The following BEST1 variants were observed in gnomAD, a reference collection of about 807,000 sequenced individuals.
The protein encoded by BEST1 is bestrophin-1.
Under a neutral mutation model 63.3 loss-of-function variants are expected in BEST1, and 58 were observed. That is an observed-to-expected ratio of 0.92 (90% CI 0.74 to 1.14). The LOEUF (loss-of-function observed/expected upper bound fraction) is 1.14. Among genes scored for constraint, BEST1 ranks in the 50% most tolerant of loss-of-function variants. The pLI, the probability that BEST1 is intolerant of heterozygous loss-of-function variation, is 0.00. For synonymous variants in BEST1, 283 were observed against 291.6 expected, an observed-to-expected ratio of 0.97 and a Z score of 0.30; for missense variants, 671 against 740.1, an observed-to-expected ratio of 0.91 and a Z score of 1.08.
downstream of BEST1, chr11:61,965,282 A>G (rs947631065): frequency 3.1e-5 from 49 of 1,593,102 alleles, 1 homozygote; most frequent in Middle Eastern, 5.5e-4. Context: ...TCATCACTTT[A>G]TAAGGGCAAT....
rs1941519105 is a variant in BEST1, at chr11:61,957,543, G to A, written c.714+79G>A. Reference sequence around the variant, plus strand: ...CAAGGAAGCAGCTGGGGTGGGAAGGGCTCACCTAGAGGCTAAGTGGCTCCC... The same window carrying A: ...CAAGGAAGCAGCTGGGGTGGGAAGGACTCACCTAGAGGCTAAGTGGCTCCC... On this transcript the variant is annotated intron_variant, in intron 6 of 10. Coordinates refer to ENST00000378043, the MANE Select transcript of BEST1 (RefSeq NM_004183.4). 9 of 1,403,442 alleles carry A rather than the reference G, an allele frequency of 6.4e-6. No homozygotes were observed. In the Admixed American group the frequency reaches 1.2e-4, roughly 19 times the overall value. 86.9% of individuals were successfully genotyped at this position (1,403,442 alleles called of 1,614,324 possible).
downstream of BEST1, chr11:61,964,627 G>A (rs1942394476): frequency 1.1e-5 from 14 of 1,269,290 alleles, no homozygotes; most frequent in Non-Finnish European, 1.6e-5. Flanking sequence ...TGGATGTTTT[G>A]GTACAACTTA....
rs1236921947 is a variant in BEST1 at position 61,964,277 on chromosome 11, CA to C, written c.*156del. The C allele has an allele frequency of 2.8e-6, 4 of 1,412,402 alleles. No individual in the cohort carries two copies. Among genetic ancestry groups the C allele is most frequent in the Non-Finnish European group, 2.9e-6 (3 of 1,046,902 alleles). The allele number at this position is 1,412,402 out of a possible 1,614,324, so 87.5% of individuals were successfully genotyped here. A position where few individuals can be genotyped will look rare whatever the true frequency, so the allele number is the denominator to read the frequency against. On this transcript the variant is annotated 3_prime_UTR_variant, in exon 11 of 11. Transcript: ENST00000378043. ...TGGTTAGCTTAATAGATAAAAATCC[CA>C]GACTACTTCAGCCTTTAATGCCTTT...
chr11:61,956,127 T>C (rs532959685), intron 4 of BEST1, among the ~76,000 whole-genome samples, 176 bp downstream of exon 4: 13 of 152,070 alleles, frequency 8.5e-5, no homozygotes, highest in African/African-American at 3.1e-4. Flanking sequence ...GAGTCGGGTG[T>C]CTGAAGGTGG....
Position 61,959,591 on chromosome 11 carries a change from G to T in BEST1, c.948+13G>T. 6.2e-7 allele frequency: 1 copy of T among 1,613,684 alleles called. No homozygotes were observed. Among genetic ancestry groups the T allele is most frequent in the Non-Finnish European group, 8.5e-7 (1 of 1,179,658 alleles). On this transcript the variant is annotated intron_variant, in intron 8 of 10. Coordinates refer to ENST00000378043, the MANE Select transcript of BEST1 (RefSeq NM_004183.4). ...CAGGAATTTGCAGGTATGGGGAGAGGGAGAGAAACCATACCATGGACCTTC... is the reference window on the plus strand; with the variant it reads ...CAGGAATTTGCAGGTATGGGGAGAGTGAGAGAAACCATACCATGGACCTTC...
At chr11:61,957,501 A>G (rs991660058) in intron 6 of BEST1, 37 bp downstream of exon 6, 2 of 1,598,322 alleles carry the variant, frequency 1.3e-6, no homozygotes, top group African/African-American at 1.3e-5. Flanking sequence ...CTTTTGGGAA[A>G]CTGAGGCTAG....
intron 2 of BEST1, chr11:61,954,678 G>A: frequency 2.0e-6 from 1 of 501,380 alleles, no homozygotes; most frequent in Non-Finnish European, 2.6e-6. Context: ...GCCCAGGCTG[G>A]TCTTGAACTC....
chr11:61,952,386 A>G (rs552578222), intron 2 of BEST1, among the ~76,000 whole-genome samples: 1 of 151,486 alleles, frequency 6.6e-6, no homozygotes, highest in South Asian at 2.1e-4. Flanking sequence ...GGCTCAAGCA[A>G]TCCCCCTGCC....
chr11:61,951,526 G>T (rs1755129208), intron 1 of BEST1, among the ~76,000 whole-genome samples: 2 of 152,136 alleles, frequency 1.3e-5, no homozygotes, highest in Admixed American at 1.3e-4. Flanking sequence ...AAAGTTAAAG[G>T]CACATGGCAA....
chr11:61,964,060 G>A (rs372356258), intron 10 of BEST1, 44 bp from the exon 11 acceptor site: 4 of 1,612,660 alleles, frequency 2.5e-6, no homozygotes, highest in Non-Finnish European at 3.4e-6. Context: ...TTGAAATGAA[G>A]GGACCTTCCA....
Position 61,955,858 on chromosome 11 carries a change from C to G in BEST1, c.388C>G (p.Arg130Gly). The G allele has an allele frequency of 1.3e-6, 2 of 1,550,542 alleles. No homozygotes were observed. Among genetic ancestry groups the G allele is most frequent in the South Asian group, 2.4e-5 (2 of 84,064 alleles). ...QGRLLRRTLIRYANLGNVLIL... is the reference protein window; with the variant it reads ...QGRLLRRTLIGYANLGNVLIL... ...CCGGCTGCTGCGGCGCACGCTCATC[C>G]GCTACGCCAACCTGGGCAACGTGCT... The change falls in exon 4 of 11, where the codon CGC becomes GGC. Residue 130 changes from arginine to glycine, a missense_variant. Transcript: ENST00000378043.
intron 2 of BEST1, 161 bp from the exon 3 acceptor site, chr11:61,954,946 C>G: frequency 2.0e-6 from 2 of 985,418 alleles, no homozygotes; most frequent in Non-Finnish European, 1.2e-6. Context: ...CAAGGAGCAT[C>G]ATGGACCTGG....
chr11:61,960,118 C>A, intron 9 of BEST1, 75 bp downstream of exon 9: 1 of 1,547,736 alleles, frequency 6.5e-7, no homozygotes, highest in Non-Finnish European at 8.8e-7. Context: ...TAGAATAGCA[C>A]TAGTTAATGC....
At chr11:61,964,584 T>C, downstream of BEST1, 1 of 951,516 alleles carries the variant, frequency 1.1e-6, no homozygotes, top group Non-Finnish European at 1.6e-6. Context: ...AATTTCTTTA[T>C]TTGAAGGAAT....
chr11:61,958,595 T>G, intron 7 of BEST1: 1 of 685,938 alleles, frequency 1.5e-6, no homozygotes, highest in Non-Finnish European at 2.5e-6. Context: ...AGCCCTAAGG[T>G]TCAGAAGCCC....
rs753857088 is a variant in BEST1, at chr11:61,951,851, C to T, written c.45C>T (p.Gly15=). The change falls in exon 2 of 11, where the codon GGC becomes GGT. Residue 15 remains glycine, a synonymous_variant. Coordinates refer to ENST00000378043, the MANE Select transcript of BEST1 (RefSeq NM_004183.4). ...YTSQVANARL[G]SFSRLLLCWR... ...GCCAAGTGGCTAATGCCCGCTTAGG[C>T]TCCTTCTCCCGCCTGCTGCTGTGCT... is the stretch of plus-strand genomic sequence containing the variant. 1 of 1,613,804 alleles carries T rather than the reference C, an allele frequency of 6.2e-7. No individual in the cohort carries two copies. The highest frequency in any genetic ancestry group is 1.1e-5 in the South Asian group (1 of 91,068).
In BEST1 at chr11:61,962,849, TAC is replaced by T. The variant is rs758183763; in HGVS notation, c.1698_1699del (p.Leu567GlnfsTer15). ...AACAATCACCAACCAACATACACAC[TAC>T]ACTCAAAGATCACATGGATCCTTAT... The part of the protein sequence containing the change: ...LEQSPTNIHT[T>X]LKDHMDPYWA... On this transcript the variant is annotated frameshift_variant, in exon 10 of 11. Transcript: ENST00000378043. LOFTEE classifies it low-confidence loss of function (END_TRUNC). The T allele has an allele frequency of 6.2e-7, 1 of 1,614,120 alleles. No homozygotes were observed. Among genetic ancestry groups the T allele is most frequent in the Admixed American group, 1.7e-5 (1 of 60,014 alleles).
chr11:61,953,513 C>A (rs1194704259), intron 2 of BEST1, among the ~76,000 whole-genome samples: 1 of 152,156 alleles, frequency 6.6e-6, no homozygotes, highest in Non-Finnish European at 1.5e-5. Context: ...GAGTTCAAGA[C>A]CAGCCTGGCC....
At chr11:61,965,276 C>A, downstream of BEST1, 1 of 1,597,922 alleles carries the variant, frequency 6.3e-7, no homozygotes. Flanking sequence ...AGTGTATCAT[C>A]ACTTTATAAG....
Sources: allele counts gnomAD v4.1 joint callset (sites outside exome capture counted in the v4.1 genomes callset), GRCh38; gene constraint gnomAD v4.1.1; transcripts MANE v1.5; gene names NCBI Gene and HGNC (gene_info 2026-07-23, HGNC 2026-07-21).